SMIM14: variants seen among roughly 807,000 people sequenced by gnomAD.
SMIM14 encodes the protein small integral membrane protein 14.
SMIM14 carries 5 observed loss-of-function variants against 12.6 expected under a neutral mutation model. The observed-to-expected ratio is 0.40, with a 90% CI of 0.21 to 0.83. The LOEUF (loss-of-function observed/expected upper bound fraction) is 0.83, where lower values mean the gene tolerates loss of function less well. Among genes scored for constraint, SMIM14 ranks in the 40% least tolerant of loss-of-function variants. SMIM14 has a pLI of 0.37. For synonymous variants in SMIM14, 30 were observed against 40.1 expected (o/e 0.75, Z 0.95); for missense variants, 86 against 119.1 (o/e 0.72, Z 1.29).
In SMIM14 at chr4:39,567,011, T is replaced by C. The variant is rs183006950; in HGVS notation, c.124+5404A>G. Among the ~76,000 whole-genome samples the C allele has an allele frequency of 2.9e-3, 433 of 149,766 alleles. 4 individuals carry two copies. The highest frequency in any genetic ancestry group is 0.01 in the African/African-American group (412 of 40,810). On this transcript the variant is annotated intron_variant, in intron 3 of 4. Transcript: ENST00000295958. ...ATTAGCTGGGGATGCTGGTACACGC[T>C]TGTAATCCCAGCTACTTGGGAGGCT...
intron 2 of SMIM14, among the ~76,000 whole-genome samples, chr4:39,576,798 G>A (rs1184014052): frequency 1.3e-4 from 18 of 139,548 alleles, no homozygotes; most frequent in Admixed American, 1.1e-3. Context: ...GGCAACCTCC[G>A]CCTCCTGGGT....
chr4:39,621,535 A>G (rs539271746), intron 1 of SMIM14, among the ~76,000 whole-genome samples: 2 of 152,342 alleles, frequency 1.3e-5, no homozygotes, highest in Admixed American at 6.5e-5. Context: ...TAAGACTATC[A>G]AGGAAAATAA....
intron 1 of SMIM14, among the ~76,000 whole-genome samples, chr4:39,625,023 G>A (rs1401283694): frequency 6.6e-6 from 1 of 150,860 alleles, no homozygotes; most frequent in Middle Eastern, 3.2e-3. Flanking sequence ...TGGCCAACAA[G>A]ATGAAACCCC....
chr4:39,638,827 C>A lies in SMIM14; in HGVS notation c.-124G>T. 1.0e-6 allele frequency: 1 copy of A among 985,916 alleles called. No individual in the cohort carries two copies. Among genetic ancestry groups the A allele is most frequent in the Non-Finnish European group, 1.2e-6 (1 of 830,332 alleles). 61.1% of individuals were successfully genotyped at this position (985,916 alleles called of 1,614,324 possible). ...ACCGCCTGGAGCTTCCAGAAGGCTG[C>A]GGCTGCTCCGGACGCTGCTGCCACT... On this transcript the variant is annotated 5_prime_UTR_variant, in exon 1 of 5. Transcript: ENST00000295958.
intron 1 of SMIM14, among the ~76,000 whole-genome samples, chr4:39,618,649 C>CAAAAA (rs34837742): frequency 2.2e-5 from 2 of 92,384 alleles, no homozygotes; most frequent in South Asian, 3.7e-4. Flanking sequence ...GACTCCATCT[C>CAAAAA]AAAAAAAAAA....
At position 39,549,871 on chromosome 4, in the gene SMIM14, C is replaced by T. The variant is rs1276177939; in HGVS notation, c.*2255G>A. The T allele has an allele frequency of 6.6e-6, 1 of 152,134 alleles. No individual in the cohort carries two copies. The highest frequency in any genetic ancestry group is 1.5e-5 in the Non-Finnish European group (1 of 68,030). 9.4% of individuals were successfully genotyped at this position (152,134 alleles called of 1,614,324 possible). A position where few individuals can be genotyped will look rare whatever the true frequency, so the allele number is the denominator to read the frequency against. ...GCTCATTTATCCAGGATTTAACTTA[C>T]CTGTGTCATGTTACCGATCTATTAA... is the stretch of plus-strand genomic sequence containing the variant. On this transcript the variant is annotated 3_prime_UTR_variant, in exon 5 of 5. Transcript: ENST00000295958.
At chr4:39,630,939 A>G (rs1404382008) in intron 1 of SMIM14, among the ~76,000 whole-genome samples, 2 of 152,156 alleles carry the variant, frequency 1.3e-5, no homozygotes, top group Non-Finnish European at 2.9e-5. Context: ...AATAAAATAA[A>G]CAAACAGATT....
Position 39,556,517 on chromosome 4 carries a change from A to G in SMIM14, c.178T>C (p.Trp60Arg). The G allele has an allele frequency of 2.5e-6, 4 of 1,613,990 alleles. No individual in the cohort carries two copies. The highest frequency in any genetic ancestry group is 1.1e-5 in the South Asian group (1 of 91,022). The change falls in exon 4 of 5, where the codon TGG becomes CGG. Residue 60 changes from tryptophan (W) to arginine (R), a missense_variant. Trp to Arg is a moderately radical substitution (Grantham distance 101). Coordinates refer to ENST00000295958, the MANE Select transcript of SMIM14 (RefSeq NM_174921.3). The stretch of plus-strand genomic sequence containing the variant: ...AACAAGATCAATGCAATAACCATCC[A>G]GGCTACCAAGATCATTGTAACACTG... Reference protein sequence around the residue: ...GISVTMILVAWMVIALILFLL... With the variant: ...GISVTMILVARMVIALILFLL...
chr4:39,633,770 C>A (rs1715992270), intron 1 of SMIM14, among the ~76,000 whole-genome samples: 1 of 152,148 alleles, frequency 6.6e-6, no homozygotes, highest in Non-Finnish European at 1.5e-5. Context: ...AGGAAGAACT[C>A]TGATGATTGT....
In SMIM14 at chr4:39,592,230, CAGAT is replaced by C. The variant is rs1157731916; in HGVS notation, c.75+12837_75+12840del. ...TAAAGGAAAAATATAGATAGATAGA[CAGAT>C]AGATAGATAGTCACAGAGATGGTCA... On this transcript the variant is annotated intron_variant, in intron 2 of 4. Transcript: ENST00000295958. Among the ~76,000 whole-genome samples, 18 of 148,512 alleles carry C rather than the reference CAGAT, an allele frequency of 1.2e-4. No individual in the cohort carries two copies. The South Asian group carries it at 2.9e-3, about 24-fold the overall frequency.
chr4:39,546,705 TTTAGA>T lies in SMIM14; in HGVS notation c.*5416_*5420del, dbSNP rs1353820510. The T allele has an allele frequency of 2.0e-5, 3 of 152,280 alleles. No individual in the cohort carries two copies. The highest frequency in any genetic ancestry group is 2.9e-5 in the Non-Finnish European group (2 of 68,050). The allele number at this position is 152,280 out of a possible 1,614,324, so 9.4% of individuals were successfully genotyped here. On this transcript the variant is annotated 3_prime_UTR_variant, in exon 5 of 5. Transcript: ENST00000295958. ...ATCCGTTGACATGTACATGACAATCTTTAGATTAAATCATAAAAAGTTGACTGTCT... is the reference window on the plus strand; with the variant it reads ...ATCCGTTGACATGTACATGACAATCTTTAAATCATAAAAAGTTGACTGTCT...
At chr4:39,626,890 T>C (rs1715722920) in intron 1 of SMIM14, among the ~76,000 whole-genome samples, 2 of 152,214 alleles carry the variant, frequency 1.3e-5, no homozygotes, top group African/African-American at 2.4e-5. Context: ...GGCCACCATT[T>C]TTCTAGAAAT....
At chr4:39,557,039 G>C (rs927423238) in intron 3 of SMIM14, among the ~76,000 whole-genome samples, 2 of 145,570 alleles carry the variant, frequency 1.4e-5, no homozygotes, top group Admixed American at 1.4e-4. Context: ...TTTTGAGATG[G>C]AGTCTCACTC....
chr4:39,601,661 A>G (rs1714614804), intron 2 of SMIM14, among the ~76,000 whole-genome samples: 1 of 152,172 alleles, frequency 6.6e-6, no homozygotes, highest in Admixed American at 6.5e-5. Context: ...AAGATAATGG[A>G]TGAGGTGGGG....
intron 4 of SMIM14, 62 bp from the exon 5 acceptor site, chr4:39,552,220 T>A: frequency 7.2e-7 from 1 of 1,384,282 alleles, no homozygotes; most frequent in Non-Finnish European, 9.7e-7. Context: ...AAATTTAAAA[T>A]TTATTACTTT....
intron 1 of SMIM14, among the ~76,000 whole-genome samples, chr4:39,618,727 C>T (rs1053378953): frequency 4.0e-5 from 6 of 151,552 alleles, no homozygotes; most frequent in Non-Finnish European, 8.8e-5. Context: ...CTTTTACCCA[C>T]TCTCACTGAC....
Position 39,558,166 on chromosome 4 carries a change from T to C in SMIM14, c.125-1596A>G, listed in dbSNP as rs1027662294. ...TAATAAATGAAACGTAGATTTTTTA[T>C]TGAAGTATATTAGAGAACTCAATTT... On this transcript the variant is annotated intron_variant, in intron 3 of 4. Coordinates refer to ENST00000295958, the MANE Select transcript of SMIM14 (RefSeq NM_174921.3). This position sits in a 1 kb window ranked among gnomAD's most constrained non-coding sequence, Gnocchi z 4.3. 1.3e-5 allele frequency among the ~76,000 whole-genome samples: 2 copies of C among 152,212 alleles called. No homozygotes were observed. The highest frequency in any genetic ancestry group is 4.8e-5 in the African/African-American group (2 of 41,452).
rs1714762999 is a variant in SMIM14 at position 39,605,237 on chromosome 4, G to C, written c.-35-57C>G. The C allele has an allele frequency of 4.1e-6, 4 of 987,092 alleles. No homozygotes were observed. The Admixed American group carries it at 7.6e-5, about 19-fold the overall frequency. 61.1% of individuals were successfully genotyped at this position (987,092 alleles called of 1,614,324 possible). On this transcript the variant is annotated intron_variant, in intron 1 of 4. Transcript: ENST00000295958. ...ACAATTCAGAATTACTCTTTCTCTT[G>C]AGCTATGAAAAATTCTGATATTGAT...
chr4:39,601,019 A>T (rs1405929736), intron 2 of SMIM14, among the ~76,000 whole-genome samples: 1 of 152,080 alleles, frequency 6.6e-6, no homozygotes, highest in African/African-American at 2.4e-5. Flanking sequence ...AAAGTTTATT[A>T]AAAAAAATTT....
Sources: gnomAD v4.1 joint callset for allele counts (sites outside exome capture counted in the v4.1 genomes callset) on GRCh38, gnomAD v4.1.1 for gene constraint, Gnocchi (gnomAD v3.1) non-coding constraint, MANE v1.5 for transcripts, NCBI Gene and HGNC (gene_info 2026-07-23, HGNC 2026-07-21) for gene names.